The following PLD5 variants were observed in gnomAD, a reference collection of about 807,000 sequenced individuals.
The protein encoded by PLD5 is inactive phospholipase D5.
Under a neutral mutation model 61.1 loss-of-function variants are expected in PLD5, and 36 were observed. The observed-to-expected ratio is 0.59, with a 90% confidence interval of 0.45 to 0.78. The LOEUF is 0.78. Ranked by LOEUF, PLD5 falls within the 30% of genes least tolerant of loss-of-function variation. PLD5 has a pLI of 0.00. For missense variants in PLD5, 515 were observed against 644.4 expected, an observed-to-expected ratio of 0.80 and a Z score of 2.17; for synonymous variants, 243 against 242.8, an observed-to-expected ratio of 1.00 and a Z score of -0.01.
intron 5 of PLD5, among the ~76,000 whole-genome samples, chr1:242,165,395 TA>T (rs1409497716): frequency 1.3e-5 from 2 of 150,264 alleles, no homozygotes; most frequent in Non-Finnish European, 2.9e-5. Flanking sequence ...ATGGGAAATT[TA>T]AAAAAGACTG....
intron 8 of PLD5, among the ~76,000 whole-genome samples, chr1:242,105,897 G>A (rs1037411657): frequency 6.6e-6 from 1 of 152,166 alleles, no homozygotes; most frequent in Non-Finnish European, 1.5e-5. Flanking sequence ...TCTGGACATG[G>A]CTATGGATAC....
At chr1:242,490,105 C>T (rs1668095666) in intron 1 of PLD5, among the ~76,000 whole-genome samples, 1 of 152,228 alleles carries the variant, frequency 6.6e-6, no homozygotes, top group Non-Finnish European at 1.5e-5. Flanking sequence ...CACACAGGAA[C>T]TGTGATATCC....
chr1:242,250,406 T>C (rs1261982480), intron 4 of PLD5, among the ~76,000 whole-genome samples: 1 of 151,998 alleles, frequency 6.6e-6, no homozygotes, highest in Non-Finnish European at 1.5e-5. Context: ...TGAAGGGGAA[T>C]GGGGAAGGGC....
chr1:242,369,153 T>C lies in PLD5; in HGVS notation c.190-20911A>G, dbSNP rs370625831. On this transcript the variant is annotated intron_variant, in intron 1 of 9. Transcript: ENST00000536534. ...AGGACTGTCAATATTCAAAGAAATA[T>C]AGAAAGGAAAACTTTAATAGTGAAA... is the stretch of plus-strand genomic sequence containing the variant. Among the ~76,000 whole-genome samples, 182 of 152,304 alleles carry C rather than the reference T, an allele frequency of 1.2e-3. 1 individual carries two copies. The highest frequency in any genetic ancestry group is 4.2e-3 in the African/African-American group (173 of 41,578).
chr1:242,524,416 G>T lies in PLD5; in HGVS notation c.-140C>A. The stretch of plus-strand genomic sequence containing the variant: ...TGAGCTGGAGGAGCTGGAGGAGCGA[G>T]CGGGCGCGGGGAGCGCGGGGTGCTG... On this transcript the variant is annotated 5_prime_UTR_variant, in exon 1 of 10. Coordinates refer to ENST00000536534, the MANE Select transcript of PLD5 (RefSeq NM_001372062.1). 1 of 860,938 alleles carries T rather than the reference G, an allele frequency of 1.2e-6. No individual in the cohort carries two copies. Among genetic ancestry groups the T allele is most frequent in the Non-Finnish European group, 1.5e-6 (1 of 647,476 alleles). 53.3% of individuals were successfully genotyped at this position (860,938 alleles called of 1,614,324 possible). A position where few individuals can be genotyped will look rare whatever the true frequency, so the allele number is the denominator to read the frequency against.
At chr1:242,318,316 C>T (rs759589802) in intron 2 of PLD5, among the ~76,000 whole-genome samples, 1 of 152,094 alleles carries the variant, frequency 6.6e-6, no homozygotes, top group Non-Finnish European at 1.5e-5. Context: ...CCCTGAGTCC[C>T]GCCGTGTTCC....
At chr1:242,436,505 A>T (rs1315828326) in intron 1 of PLD5, among the ~76,000 whole-genome samples, 1 of 152,336 alleles carries the variant, frequency 6.6e-6, no homozygotes, top group Non-Finnish European at 1.5e-5. Flanking sequence ...TATCTTTACA[A>T]CACAACTATG....
chr1:242,201,962 C>A (rs961916332), intron 5 of PLD5, among the ~76,000 whole-genome samples: 3 of 151,602 alleles, frequency 2.0e-5, no homozygotes, highest in Non-Finnish European at 2.9e-5. Flanking sequence ...CGCCTGTAAT[C>A]CCAGCACTTT....
chr1:242,389,973 A>G (rs1207683607), intron 1 of PLD5, among the ~76,000 whole-genome samples: 1 of 151,528 alleles, frequency 6.6e-6, no homozygotes, highest in African/African-American at 2.4e-5. Context: ...GAGTGTACAA[A>G]ATGTATCAAA....
intron 2 of PLD5, among the ~76,000 whole-genome samples, chr1:242,301,967 G>T (rs1183718739): frequency 6.6e-6 from 1 of 152,064 alleles, no homozygotes; most frequent in African/African-American, 2.4e-5. Flanking sequence ...TTGTAGTAGA[G>T]ACAGGGTTTC....
rs1363200069 is a variant in PLD5, at chr1:242,256,235, C to T, written c.607+9102G>A. Among the ~76,000 whole-genome samples the T allele has an allele frequency of 6.6e-6, 1 of 151,846 alleles. No homozygotes were observed. Among genetic ancestry groups the T allele is most frequent in the Non-Finnish European group, 1.5e-5 (1 of 67,948 alleles). On this transcript the variant is annotated intron_variant, in intron 4 of 9. Coordinates refer to ENST00000536534, the MANE Select transcript of PLD5 (RefSeq NM_001372062.1). The surrounding 1 kb of genome is among the most constrained non-coding windows in gnomAD (Gnocchi z 5.7). ...CTGTCACTGTGACCAAGAGTTCACC[C>T]CAAGAGCATGCTTTGTATTGCCTTT... is the stretch of plus-strand genomic sequence containing the variant.
intron 4 of PLD5, among the ~76,000 whole-genome samples, chr1:242,233,433 G>A (rs979623654): frequency 1.3e-5 from 2 of 152,122 alleles, no homozygotes; most frequent in African/African-American, 4.8e-5. Flanking sequence ...CTAGAGAGAT[G>A]TTCCTCTTAC....
At chr1:242,312,719 C>A (rs1366285500) in intron 2 of PLD5, among the ~76,000 whole-genome samples, 14 of 152,304 alleles carry the variant, frequency 9.2e-5, no homozygotes, top group Non-Finnish European at 2.1e-4. Flanking sequence ...TGGTCTAAAT[C>A]TCTCCAATTT....
rs1409898846 is a variant in PLD5, at chr1:242,524,382, G to C, written c.-106C>G. ...AGGCCCAGCGGGAGCCGGAGGTGGA[G>C]CTGGAGACTGAGCTGGAGGAGCTGG... On this transcript the variant is annotated 5_prime_UTR_variant, in exon 1 of 10. Coordinates refer to ENST00000536534, the MANE Select transcript of PLD5 (RefSeq NM_001372062.1). The C allele has an allele frequency of 8.9e-7, 1 of 1,129,322 alleles. No individual in the cohort carries two copies. Among genetic ancestry groups the C allele is most frequent in the African/African-American group, 1.7e-5 (1 of 60,244 alleles). The allele number at this position is 1,129,322 out of a possible 1,614,324, so 70.0% of individuals were successfully genotyped here.
At chr1:242,207,952 A>T (rs1419464117) in intron 5 of PLD5, among the ~76,000 whole-genome samples, 2 of 12,388 alleles carry the variant, frequency 1.6e-4, no homozygotes, top group African/African-American at 3.6e-4. Flanking sequence ...ATATATATTT[A>T]TTTATATATA....
At chr1:242,272,972 A>C (rs1004675613) in intron 3 of PLD5, among the ~76,000 whole-genome samples, 2 of 152,130 alleles carry the variant, frequency 1.3e-5, no homozygotes, top group African/African-American at 4.8e-5. Context: ...GGTTTGTTAC[A>C]TAGGTATACA....
chr1:242,259,307 C>CTCTCTCCCTCTCTCTCT (rs1553337783), intron 4 of PLD5, among the ~76,000 whole-genome samples: 1 of 145,764 alleles, frequency 6.9e-6, no homozygotes, highest in African/African-American at 2.5e-5. Context: ...AGACATCACC[C>CTCTCTCCCTCTCTCTCT]CTCTCTCTCT....
intron 3 of PLD5, among the ~76,000 whole-genome samples, chr1:242,280,925 C>T (rs1400709882): frequency 1.3e-5 from 2 of 152,094 alleles, no homozygotes; most frequent in East Asian, 1.9e-4. Context: ...TAAAGAGTCT[C>T]CTTCAGAAGA....
At chr1:242,167,694 A>G (rs567174741) in intron 5 of PLD5, among the ~76,000 whole-genome samples, 16 of 150,182 alleles carry the variant, frequency 1.1e-4, no homozygotes, top group African/African-American at 3.9e-4. Flanking sequence ...CCCATTTTAC[A>G]GAAGAGGCAA....
Sources: allele counts gnomAD v4.1 joint callset (sites outside exome capture counted in the v4.1 genomes callset), GRCh38; gene constraint gnomAD v4.1.1; non-coding constraint Gnocchi (gnomAD v3.1); transcripts MANE v1.5; gene names NCBI Gene and HGNC (gene_info 2026-07-23, HGNC 2026-07-21).